LRRK2: variants seen among roughly 807,000 people sequenced by gnomAD.
The protein encoded by LRRK2 is leucine-rich repeat serine/threonine-protein kinase 2.
LRRK2 carries 203 observed loss-of-function variants against 302.6 expected under a neutral mutation model. That is an observed-to-expected ratio of 0.67 (90% confidence interval 0.60 to 0.75). The LOEUF (loss-of-function observed/expected upper bound fraction) is 0.75. Among genes scored for constraint, LRRK2 ranks in the 30% least tolerant of loss-of-function variants. LRRK2 has a pLI of 0.00. For synonymous variants in LRRK2, 1,066 were observed against 1,031.9 expected, an observed-to-expected ratio of 1.03 and a Z score of -0.63; for missense variants, 2,830 against 2,951.0, an observed-to-expected ratio of 0.96 and a Z score of 0.95.
Position 40,309,188 on chromosome 12 carries a change from A to T in LRRK2, c.4272A>T (p.Gly1424=). Residue 1424 remains glycine (G), a synonymous_variant, in exon 30 of 51, where the codon GGA becomes GGT. Transcript: ENST00000298910. ...LYLAVYDLSK[G]QAEVDAMKPW... ...TTGCTGTCTATGACCTCAGCAAGGG[A>T]CAGGCTGAAGTTGATGCCATGAAGC... The T allele has an allele frequency of 6.2e-7, 1 of 1,613,948 alleles. No homozygotes were observed. Among genetic ancestry groups the T allele is most frequent in the Non-Finnish European group, 8.5e-7 (1 of 1,179,912 alleles).
chr12:40,265,672 A>G (rs1265650321), intron 14 of LRRK2, among the ~76,000 whole-genome samples: 2 of 152,162 alleles, frequency 1.3e-5, no homozygotes, highest in African/African-American at 4.8e-5. Flanking sequence ...GTGTTTTACT[A>G]TTATAATGAG....
chr12:40,340,149 A>T, intron 40 of LRRK2, 145 bp from the exon 41 acceptor site: 2 of 763,008 alleles, frequency 2.6e-6, no homozygotes, highest in Non-Finnish European at 2.1e-6. Context: ...ATTTCCTTCT[A>T]CAATATCTCT....
intron 12 of LRRK2, 116 bp from the exon 13 acceptor site, chr12:40,259,364 A>G (rs946706467): frequency 3.5e-5 from 45 of 1,297,142 alleles, no homozygotes; most frequent in Middle Eastern, 3.9e-4. Context: ...GCATTTTCAT[A>G]TAGTCTTTCC....
rs767501990 is a variant in LRRK2 at position 40,355,505 on chromosome 12, ATCCCTCCC to A, written c.6771-592_6771-585del. ...ACTGGGGAATTCCTTCCTTCCTTCC[ATCCCTCCC>A]TCCCTCCCTCCCTCCCTTCCTTCCT... On this transcript the variant is annotated intron_variant, in intron 45 of 50. Transcript: ENST00000298910. Among the ~76,000 whole-genome samples the A allele has an allele frequency of 1.3e-4, 7 of 55,396 alleles. No individual in the cohort carries two copies. The East Asian group carries it at 4.1e-3, about 32-fold the overall frequency. The allele number at this position is 55,396 out of a possible 152,430, so 36.3% of individuals were successfully genotyped here.
chr12:40,331,562 A>G (rs190421143), intron 39 of LRRK2, among the ~76,000 whole-genome samples: 1 of 152,078 alleles, frequency 6.6e-6, no homozygotes, highest in East Asian at 1.9e-4. Flanking sequence ...AAAATACACT[A>G]ACACTAATGA....
chr12:40,283,631 A>G (rs1413550661), intron 18 of LRRK2, among the ~76,000 whole-genome samples: 3 of 152,210 alleles, frequency 2.0e-5, no homozygotes, highest in Admixed American at 6.5e-5. Flanking sequence ...TTGTCTCCAT[A>G]TAATGTTGTC....
At chr12:40,366,948 TCAGGCCAG>T in intron 49 of LRRK2, 50 bp from the exon 50 acceptor site, 3 of 1,331,808 alleles carry the variant, frequency 2.3e-6, no homozygotes, top group African/African-American at 2.9e-5. Context: ...TACTTTTTTT[TCAGGCCAG>T]TTTAATATAT....
chr12:40,321,073 T>G lies in LRRK2; in HGVS notation c.5055T>G (p.Cys1685Trp). ...DHRPVIELPH[C>W]ENSEIIIRLY... ...GGCCTGTGATAGAGCTTCCCCATTGTGAGAACTCTGAAATTATCATCCGAC... is the reference window on the plus strand; with the variant it reads ...GGCCTGTGATAGAGCTTCCCCATTGGGAGAACTCTGAAATTATCATCCGAC... Residue 1685 changes from cysteine to tryptophan, a missense_variant, in exon 35 of 51, where the codon TGT (cysteine) becomes TGG (tryptophan). By Grantham distance (215) the Cys-to-Trp change is radical (BLOSUM62 -2). This residue lies in a region of LRRK2 where 2,121 missense variants were observed against 2,148.0 expected (regional missense o/e 0.99). Transcript: ENST00000298910. The G allele has an allele frequency of 6.2e-7, 1 of 1,612,946 alleles. No individual in the cohort carries two copies. The highest frequency in any genetic ancestry group is 8.5e-7 in the Non-Finnish European group (1 of 1,179,080).
rs148461140 is a variant in LRRK2 at position 40,261,403 on chromosome 12, A to G, written c.1543+1799A>G. Among the ~76,000 whole-genome samples the G allele has an allele frequency of 2.6e-5, 4 of 152,260 alleles. No individual in the cohort carries two copies. The East Asian group carries it at 5.8e-4, about 22-fold the overall frequency. On this transcript the variant is annotated intron_variant, in intron 13 of 50. Transcript: ENST00000298910. ...TTTATTGTTCTTAAACTGATCCTGA[A>G]GGAAAATTGTTAGTTAACAATCAAT...
At position 40,359,435 on chromosome 12, in the gene LRRK2, C is replaced by A; in HGVS notation, c.7019C>A (p.Thr2340Lys). The A allele has an allele frequency of 6.2e-7, 1 of 1,612,838 alleles. No homozygotes were observed. Among genetic ancestry groups the A allele is most frequent in the Non-Finnish European group, 8.5e-7 (1 of 1,179,300 alleles). Residue 2340 changes from threonine to lysine, a missense_variant, in exon 47 of 51, where the codon ACA becomes AAA. By Grantham distance (78) the Thr-to-Lys change is moderately conservative. Around this residue, in one of 3 missense-constraint regions of LRRK2, gnomAD observed 456 missense variants for 456.3 expected, o/e 1.00. Transcript: ENST00000298910. ...FTIQKLIETR[T>K]SQLFSYAAFS... ...ATTCAGAAACTCATTGAGACAAGAA[C>A]AAGCCAACTGTAAGTTATTTTTTAT...
rs1272259585 is a variant in LRRK2, at chr12:40,320,029, G to C, written c.4869G>C (p.Lys1623Asn). ...TGGAAGGTTGTCCAAAACACCCTAA[G>C]GGCATTATTTCGCGTAGAGATGTGG... ...VKVEGCPKHPKGIISRRDVEK... is the reference protein window; with the variant it reads ...VKVEGCPKHPNGIISRRDVEK... Residue 1623 changes from lysine (K) to asparagine (N), a missense_variant, in exon 34 of 51, where the codon AAG becomes AAC. Around this residue, in one of 3 missense-constraint regions of LRRK2, gnomAD observed 2,121 missense variants for 2,148.0 expected, o/e 0.99. Transcript: ENST00000298910. 4 of 1,611,706 alleles carry C rather than the reference G, an allele frequency of 2.5e-6. No individual in the cohort carries two copies. The South Asian group carries it at 4.4e-5, about 18-fold the overall frequency.
intron 35 of LRRK2, 109 bp from the exon 36 acceptor site, chr12:40,321,926 C>A: frequency 9.0e-7 from 1 of 1,105,136 alleles, no homozygotes; most frequent in Non-Finnish European, 1.3e-6. Context: ...CAACCCAATA[C>A]TTTATTTCAA....
Position 40,302,878 on chromosome 12 carries a change from C to G in LRRK2, c.3586C>G (p.Pro1196Ala). 6.4e-7 allele frequency: 1 copy of G among 1,552,144 alleles called. No homozygotes were observed. The highest frequency in any genetic ancestry group is 1.1e-5 in the South Asian group (1 of 89,602). The change falls in exon 26 of 51, where the codon CCA becomes GCA. Residue 1196 changes from proline (P) to alanine (A), a missense_variant. This residue lies in a region of LRRK2 where 2,121 missense variants were observed against 2,148.0 expected (regional missense o/e 0.99). Coordinates refer to ENST00000298910, the MANE Select transcript of LRRK2 (RefSeq NM_198578.4). ...SCIPEAILNL[P>A]HLRSLDMSSN... ...TATTCCAGAAGCAATTTTAAATCTT[C>G]CACAGTAAGTTTATTGTTATTTTAA...
intron 37 of LRRK2, 99 bp downstream of exon 37, chr12:40,322,609 G>T: frequency 2.8e-6 from 3 of 1,070,656 alleles, no homozygotes; most frequent in Non-Finnish European, 4.2e-6. Context: ...TAAGGGATGA[G>T]TTGAAAAATA....
intron 6 of LRRK2, among the ~76,000 whole-genome samples, chr12:40,242,232 T>C (rs1337070754): frequency 6.6e-6 from 1 of 152,050 alleles, no homozygotes; most frequent in African/African-American, 2.4e-5. Context: ...ACGTTGTTAA[T>C]TTTTTTTCTA....
chr12:40,265,662 G>A (rs1942977644), intron 14 of LRRK2, among the ~76,000 whole-genome samples: 1 of 152,152 alleles, frequency 6.6e-6, no homozygotes, highest in Non-Finnish European at 1.5e-5. Context: ...CCAGGGGTGT[G>A]TGTTTTACTA....
intron 31 of LRRK2, among the ~76,000 whole-genome samples, chr12:40,312,047 TG>T (rs555319225): frequency 2.0e-3 from 299 of 152,224 alleles, no homozygotes; most frequent in South Asian, 6.0e-3. Flanking sequence ...TTGTCATTGT[TG>T]TCAGAGAATG....
intron 7 of LRRK2, 75 bp downstream of exon 7, chr12:40,243,756 A>T: frequency 7.4e-7 from 1 of 1,343,976 alleles, no homozygotes; most frequent in Non-Finnish European, 1.1e-6. Flanking sequence ...TATGTTGCAT[A>T]ATAATGGATA....
intron 35 of LRRK2, among the ~76,000 whole-genome samples, chr12:40,321,675 A>G (rs537924486): frequency 2.0e-5 from 3 of 152,100 alleles, no homozygotes; most frequent in African/African-American, 4.8e-5. Context: ...ATTAATCAAC[A>G]TATAGGTAGT....
Sources: gnomAD v4.1 joint callset for allele counts (sites outside exome capture counted in the v4.1 genomes callset) on GRCh38, gnomAD v4.1.1 for gene constraint, gnomAD v4.1.1 regional missense constraint, MANE v1.5 for transcripts, NCBI Gene and HGNC (gene_info 2026-07-23, HGNC 2026-07-21) for gene names.